The following TUBD1 variants were observed in gnomAD, a reference collection of about 807,000 sequenced individuals.
The protein encoded by TUBD1 is tubulin delta chain.
In TUBD1, 38 loss-of-function variants were observed where a neutral mutation model predicts 51.2. That is an observed-to-expected ratio of 0.74 (90% confidence interval 0.57 to 0.97). The LOEUF (loss-of-function observed/expected upper bound fraction) is 0.97. Among genes scored for constraint, TUBD1 ranks in the 50% least tolerant of loss-of-function variants. The pLI, the probability that TUBD1 is intolerant of heterozygous loss-of-function variation, is 0.00. For missense variants in TUBD1, 489 were observed against 538.4 expected (o/e 0.91, Z 0.91); for synonymous variants, 169 against 178.2 (o/e 0.95, Z 0.41).
chr17:59,891,462 C>A (rs1410744359), intron 1 of TUBD1, among the ~76,000 whole-genome samples: 1 of 152,002 alleles, frequency 6.6e-6, no homozygotes, highest in South Asian at 2.1e-4. Context: ...ATGCCACATA[C>A]GTATATAATA....
intron 2 of TUBD1, among the ~76,000 whole-genome samples, chr17:59,887,369 CA>C (rs112102883): frequency 0.03 from 3,641 of 122,426 alleles, 121 homozygotes; most frequent in African/African-American, 0.093. Context: ...GACTCTGTCT[CA>C]AAAAAAAAAA....
At chr17:59,889,639 A>G (rs2040897626) in intron 2 of TUBD1, among the ~76,000 whole-genome samples, 1 of 142,770 alleles carries the variant, frequency 7.0e-6, no homozygotes, top group Non-Finnish European at 1.5e-5. Flanking sequence ...ACTGCACTCC[A>G]GTCTGGGTGA....
intron 8 of TUBD1, among the ~76,000 whole-genome samples, chr17:59,860,776 G>C (rs1303263336): frequency 6.6e-6 from 1 of 151,690 alleles, no homozygotes; most frequent in African/African-American, 2.4e-5. Flanking sequence ...TAGTAGAGAC[G>C]GGGTTTCACC....
Position 59,880,672 on chromosome 17 carries a change from G to A in TUBD1, c.537+222C>T, listed in dbSNP as rs531644843. On this transcript the variant is annotated intron_variant, in intron 4 of 8. Coordinates refer to ENST00000325752, the MANE Select transcript of TUBD1 (RefSeq NM_016261.4). Reference sequence around the variant, plus strand: ...TGGGACTAGAGGCGCCCGCCACCACGCCTGGCTAATTTTTTGTATTGTTAG... The same window carrying A: ...TGGGACTAGAGGCGCCCGCCACCACACCTGGCTAATTTTTTGTATTGTTAG... 7.3e-5 allele frequency among the ~76,000 whole-genome samples: 11 copies of A among 151,468 alleles called. No homozygotes were observed. The South Asian group carries it at 2.1e-3, about 29-fold the overall frequency.
intron 6 of TUBD1, among the ~76,000 whole-genome samples, chr17:59,873,520 G>A (rs2040091914): frequency 6.6e-6 from 1 of 152,106 alleles, no homozygotes; most frequent in Non-Finnish European, 1.5e-5. Context: ...CAAAGTGCTA[G>A]GATTATAGGT....
At chr17:59,888,711 G>A (rs1020900257) in intron 2 of TUBD1, among the ~76,000 whole-genome samples, 1 of 151,288 alleles carries the variant, frequency 6.6e-6, no homozygotes, top group Non-Finnish European at 1.5e-5. Flanking sequence ...GGTTCAAGGA[G>A]AGAGTTGTTT....
chr17:59,882,475 C>G (rs1198196235), intron 3 of TUBD1, among the ~76,000 whole-genome samples: 1 of 151,946 alleles, frequency 6.6e-6, no homozygotes, highest in African/African-American at 2.4e-5. Flanking sequence ...TTAGTACAGA[C>G]AGGGTTTCAC....
chr17:59,879,012 T>C (rs1220908703), intron 4 of TUBD1, among the ~76,000 whole-genome samples: 6 of 152,146 alleles, frequency 3.9e-5, no homozygotes, highest in Non-Finnish European at 5.9e-5. Flanking sequence ...CGGTAGCTCA[T>C]GCCTGTAATC....
At chr17:59,873,080 A>G (rs2040068795) in intron 6 of TUBD1, among the ~76,000 whole-genome samples, 2 of 151,806 alleles carry the variant, frequency 1.3e-5, no homozygotes, top group Non-Finnish European at 2.9e-5. Flanking sequence ...CAATTTTCAC[A>G]CTAGGAATGC....
At position 59,874,656 on chromosome 17, in the gene TUBD1, T is replaced by G; in HGVS notation, c.817A>C (p.Ser273Arg). ...GACATGTGAGGAATGTTACGAACAC[T>G]CAGCATCTTGAATTCAGGATGGGGA... The part of the protein sequence containing the change: ...LVPHPEFKML[S>R]VRNIPHMSEN... The change falls in exon 6 of 9, where the codon AGT (serine) becomes CGT (arginine). Residue 273 changes from serine (S) to arginine (R), a missense_variant. By Grantham distance (110) the Ser-to-Arg change is moderately radical. Coordinates refer to ENST00000325752, the MANE Select transcript of TUBD1 (RefSeq NM_016261.4). 10 of 1,613,430 alleles carry G rather than the reference T, an allele frequency of 6.2e-6. No homozygotes were observed. The highest frequency in any genetic ancestry group is 7.6e-6 in the Non-Finnish European group (9 of 1,179,888).
At chr17:59,874,362 T>C (rs2040132226) in intron 6 of TUBD1, among the ~76,000 whole-genome samples, 177 bp downstream of exon 6, 1 of 152,116 alleles carries the variant, frequency 6.6e-6, no homozygotes, top group African/African-American at 2.4e-5. Flanking sequence ...CTTTTGGTAA[T>C]GAAACTGTGA....
intron 6 of TUBD1, among the ~76,000 whole-genome samples, chr17:59,868,641 A>G (rs2039829223): frequency 2.0e-5 from 3 of 152,238 alleles, no homozygotes; most frequent in South Asian, 2.1e-4. Context: ...GATCGAGACC[A>G]TACTGGCCAA....
intron 2 of TUBD1, among the ~76,000 whole-genome samples, chr17:59,887,713 A>G (rs1383420277): frequency 6.6e-6 from 1 of 152,206 alleles, no homozygotes; most frequent in Non-Finnish European, 1.5e-5. Flanking sequence ...CTGCAGCCTC[A>G]AACTCTTGAG....
At chr17:59,869,475 C>T in intron 6 of TUBD1, among the ~76,000 whole-genome samples, 1 of 150,954 alleles carries the variant, frequency 6.6e-6, no homozygotes, top group East Asian at 1.9e-4. Context: ...ATTCTGTCCC[C>T]CCCGCCAAAA....
Position 59,878,143 on chromosome 17 carries a change from A to G in TUBD1, c.729T>C (p.Tyr243=). The change falls in exon 5 of 9, where the codon TAT becomes TAC. Residue 243 remains tyrosine (Y), a synonymous_variant. Coordinates refer to ENST00000325752, the MANE Select transcript of TUBD1 (RefSeq NM_016261.4). The part of the protein sequence containing the change: ...HQLGSVFQPT[Y]SAESSFHYRR... Reference sequence around the variant, plus strand: ...TGTAGTGAAATGAGCTTTCTGCAGAATAAGTAGGCTGGAACACACTTCCCA... The same window carrying G: ...TGTAGTGAAATGAGCTTTCTGCAGAGTAAGTAGGCTGGAACACACTTCCCA... The G allele has an allele frequency of 1.9e-6, 3 of 1,614,194 alleles. No homozygotes were observed. Among genetic ancestry groups the G allele is most frequent in the Non-Finnish European group, 2.5e-6 (3 of 1,180,040 alleles).
intron 6 of TUBD1, among the ~76,000 whole-genome samples, chr17:59,870,349 C>T (rs182382781): frequency 5.5e-4 from 61 of 111,104 alleles, no homozygotes; most frequent in Admixed American, 3.3e-3. Flanking sequence ...TCATCTTAGG[C>T]GACAGAGTGT....
chr17:59,866,230 TC>T (rs1373117708), intron 7 of TUBD1, among the ~76,000 whole-genome samples: 3 of 143,466 alleles, frequency 2.1e-5, no homozygotes, highest in Non-Finnish European at 4.5e-5. Flanking sequence ...AGAAAACAAT[TC>T]TTTTTTTTTT....
At chr17:59,882,371 C>T (rs2040527886) in intron 3 of TUBD1, among the ~76,000 whole-genome samples, 2 of 152,080 alleles carry the variant, frequency 1.3e-5, no homozygotes, top group Admixed American at 1.3e-4. Flanking sequence ...AAAACTACCT[C>T]CGCCTCCCAG....
intron 2 of TUBD1, among the ~76,000 whole-genome samples, chr17:59,888,554 A>G (rs1246831289): frequency 2.0e-5 from 3 of 152,248 alleles, no homozygotes; most frequent in African/African-American, 4.8e-5. Context: ...TAGAGCTTTT[A>G]AGAGAGGCTG....
Sources: allele counts gnomAD v4.1 joint callset (sites outside exome capture counted in the v4.1 genomes callset), GRCh38; gene constraint gnomAD v4.1.1; transcripts MANE v1.5; gene names NCBI Gene and HGNC (gene_info 2026-07-23, HGNC 2026-07-21).